The following FAAH2 variants were observed in gnomAD, a reference collection of about 807,000 sequenced individuals.
FAAH2 encodes fatty-acid amide hydrolase 2.
FAAH2 carries 60 observed loss-of-function variants against 36.9 expected under a neutral mutation model. The observed-to-expected ratio is 1.63, with a 90% CI of 1.32 to 2.02. FAAH2 has a LOEUF of 2.02. Among genes scored for constraint, FAAH2 ranks in the 30% most tolerant of loss-of-function variants. FAAH2 has a pLI of 0.00. For missense variants in FAAH2, 689 were observed against 397.5 expected (o/e 1.73, Z -6.23); for synonymous variants, 214 against 143.8 (o/e 1.49, Z -3.49).
At chrX:57,186,967 C>A in the FAAH2 span, among the ~76,000 whole-genome samples, 1 of 111,664 alleles carries the variant, frequency 9.0e-6, no homozygotes, top group South Asian at 3.7e-4. Context: ...TTACTGTACC[C>A]TTGTAGTATA....
intron 7 of FAAH2, among the ~76,000 whole-genome samples, chrX:57,431,129 G>GT (rs1445457539): frequency 9.0e-6 from 1 of 111,523 alleles, no homozygotes; most frequent in South Asian, 3.8e-4. Context: ...TCAGGTTTGT[G>GT]TTTCTTCCAC....
chrX:57,336,788 A>G (rs1428609652), intron 4 of FAAH2, among the ~76,000 whole-genome samples: 1 of 111,474 alleles, frequency 9.0e-6, no homozygotes, highest in Non-Finnish European at 1.9e-5. Context: ...CCCACATCAA[A>G]AAGCTAGAAA....
rs1274321451 is a variant in FAAH2 at position 57,489,092 on chromosome X, C to G, written c.*160C>G. 3.7e-6 allele frequency: 2 copies of G among 540,236 alleles called. No individual in the cohort carries two copies. The highest frequency in any genetic ancestry group is 4.8e-5 in the African/African-American group (2 of 41,636). 44.5% of individuals were successfully genotyped at this position (540,236 alleles called of 1,213,427 possible). A position where few individuals can be genotyped will look rare whatever the true frequency, so the allele number is the denominator to read the frequency against. ...TTTCTACTTTTATTTCCTTCTCTAA[C>G]TGTTGGTCTTACTAAAATGGTAATA... On this transcript the variant is annotated 3_prime_UTR_variant, in exon 11 of 11. Transcript: ENST00000374900.
At chrX:57,175,835 T>C in the FAAH2 span, among the ~76,000 whole-genome samples, 13 of 112,036 alleles carry the variant, frequency 1.2e-4, no homozygotes, top group Admixed American at 5.7e-4. Flanking sequence ...ATGAAAATTA[T>C]TTTTACTGAA....
At chrX:57,327,734 A>G (rs112977126) in intron 3 of FAAH2, among the ~76,000 whole-genome samples, 36,644 of 109,867 alleles carry the variant, frequency 0.33, 5,039 homozygotes, top group Middle Eastern at 0.61. Flanking sequence ...GTAGTTAGCC[A>G]TTCATCTAAT....
At chrX:57,453,602 C>G (rs998217383) in intron 10 of FAAH2, among the ~76,000 whole-genome samples, 4 of 110,396 alleles carry the variant, frequency 3.6e-5, no homozygotes, top group African/African-American at 1.3e-4. Flanking sequence ...AGAATATAAC[C>G]CAACAGCAGG....
chrX:57,150,985 G>A, the FAAH2 span, among the ~76,000 whole-genome samples: 2 of 111,862 alleles, frequency 1.8e-5, no homozygotes, highest in Admixed American at 9.5e-5. Flanking sequence ...GCATTTGCTT[G>A]TCTGTAAAGT....
At chrX:57,225,834 T>C in the FAAH2 span, among the ~76,000 whole-genome samples, 6 of 112,235 alleles carry the variant, frequency 5.3e-5, no homozygotes, top group Non-Finnish European at 1.1e-4. Flanking sequence ...TAGGTGAATA[T>C]TTGTTTAAGA....
At chrX:57,154,004 G>A in the FAAH2 span, among the ~76,000 whole-genome samples, 20 of 111,934 alleles carry the variant, frequency 1.8e-4, no homozygotes, top group Admixed American at 1.2e-3. Context: ...ATTATTCTTA[G>A]GTTGAGTTGT....
chrX:57,135,601 C>T, the FAAH2 span: 1 of 767,122 alleles, frequency 1.3e-6, no homozygotes, highest in Non-Finnish European at 1.8e-6. Flanking sequence ...CCCCATCTAC[C>T]AAACACACCC....
intron 8 of FAAH2, among the ~76,000 whole-genome samples, chrX:57,444,567 G>C (rs1304174555): frequency 9.0e-6 from 1 of 111,354 alleles, no homozygotes; most frequent in Admixed American, 9.6e-5. Flanking sequence ...CAGGTGAGAG[G>C]ATGCCCCACC....
chrX:57,311,776 T>C (rs894617623), intron 3 of FAAH2, among the ~76,000 whole-genome samples: 2 of 112,047 alleles, frequency 1.8e-5, no homozygotes, highest in South Asian at 3.7e-4. Context: ...CCTCAGTGTA[T>C]TGATGCACGT....
At chrX:57,252,300 C>A in the FAAH2 span, among the ~76,000 whole-genome samples, 5 of 112,797 alleles carry the variant, frequency 4.4e-5, no homozygotes, top group African/African-American at 1.3e-4. Context: ...GATTCCACCT[C>A]TGGGGAGAGG....
At chrX:57,336,979 T>A (rs201759861) in intron 4 of FAAH2, among the ~76,000 whole-genome samples, 16 of 102,037 alleles carry the variant, frequency 1.6e-4, no homozygotes, top group African/African-American at 5.4e-4. Context: ...AAAAAAAAAA[T>A]AAATAAATAA....
intron 1 of FAAH2, 55 bp downstream of exon 1, chrX:57,287,072 G>C (rs2051831216): frequency 9.3e-7 from 1 of 1,071,541 alleles, no homozygotes; most frequent in South Asian, 2.6e-5. Context: ...CAGGATCCAG[G>C]AAGCTTAGTG....
intron 7 of FAAH2, among the ~76,000 whole-genome samples, chrX:57,409,470 A>T (rs755773205): frequency 2.7e-5 from 3 of 110,794 alleles, no homozygotes; most frequent in African/African-American, 9.8e-5. Context: ...ATCGTCATTA[A>T]TTTTTCTTTA....
chrX:57,329,328 G>A (rs754373437), intron 3 of FAAH2, among the ~76,000 whole-genome samples: 1 of 111,280 alleles, frequency 9.0e-6, no homozygotes, highest in Non-Finnish European at 1.9e-5. Flanking sequence ...TCATGGAGGT[G>A]GGGTGCTCTG....
chrX:57,251,255 T>C, the FAAH2 span, among the ~76,000 whole-genome samples: 1 of 112,195 alleles, frequency 8.9e-6, no homozygotes, highest in African/African-American at 3.2e-5. Context: ...AATAACCATA[T>C]GATTATCTTA....
chrX:57,349,561 ATC>A (rs1041627206), intron 5 of FAAH2, among the ~76,000 whole-genome samples: 18 of 104,995 alleles, frequency 1.7e-4, no homozygotes, highest in Admixed American at 4.2e-4. Context: ...ATATATATAT[ATC>A]TATTTTAAAA....
Sources: gnomAD v4.1 joint callset for allele counts (sites outside exome capture counted in the v4.1 genomes callset) on GRCh38, gnomAD v4.1.1 for gene constraint, MANE v1.5 for transcripts, NCBI Gene and HGNC (gene_info 2026-07-23, HGNC 2026-07-21) for gene names.